The following TTC28 variants were observed in gnomAD, a reference collection of about 807,000 sequenced individuals.
The protein encoded by TTC28 is tetratricopeptide repeat protein 28.
In TTC28, 61 loss-of-function variants were observed where a neutral mutation model predicts 198.0. The ratio of observed to expected loss-of-function variants is 0.31; its 90% CI spans 0.25 to 0.38. The LOEUF (loss-of-function observed/expected upper bound fraction) is 0.38. TTC28 is among the 10% of genes least tolerant of loss of function. The probability of loss-of-function intolerance (pLI) is 1.00; values close to 1 mark genes in which losing one functional copy is unlikely to be tolerated. For missense variants in TTC28, 2,678 were observed against 3,164.0 expected (o/e 0.85, Z 3.69); for synonymous variants, 1,171 against 1,297.8 (o/e 0.90, Z 2.10).
intron 2 of TTC28, among the ~76,000 whole-genome samples, chr22:28,536,198 C>CAAAAAAAAAAAAAAA (rs59506221): frequency 1.6e-5 from 1 of 64,406 alleles, no homozygotes; most frequent in Non-Finnish European, 2.9e-5. Context: ...GACACCGTCT[C>CAAAAAAAAAAAAAAA]AAAAAAAAAA....
At chr22:28,675,775 A>ACACACACAC (rs61156340) in intron 1 of TTC28, among the ~76,000 whole-genome samples, 1 of 149,670 alleles carries the variant, frequency 6.7e-6, no homozygotes, top group Admixed American at 6.7e-5. Context: ...ACACACACAC[A>ACACACACAC]ATGTAAAAAG....
At position 28,466,820 on chromosome 22, in the gene TTC28, T is replaced by TACATACAC. The variant is rs71316840; in HGVS notation, c.382-160178_382-160177insGTGTATGT. 7.4e-3 allele frequency among the ~76,000 whole-genome samples: 1,071 copies of TACATACAC among 143,910 alleles called. 23 individuals carry two copies. The East Asian group carries it at 0.08, about 11-fold the overall frequency. The allele number at this position is 143,910 out of a possible 152,430, so 94.4% of individuals were successfully genotyped here. ...AGTATTCTCACATTATATACATACA[T>TACATACAC]ACACACACACACACACACACACACA... On this transcript the variant is annotated intron_variant, in intron 2 of 22. Transcript: ENST00000397906.
intron 12 of TTC28, among the ~76,000 whole-genome samples, chr22:28,044,684 A>G (rs1020908976): frequency 1.3e-5 from 2 of 152,058 alleles, no homozygotes; most frequent in African/African-American, 2.4e-5. Context: ...ATTCCCACCT[A>G]TGAGTGAGAA....
intron 6 of TTC28, among the ~76,000 whole-genome samples, chr22:28,153,233 T>A (rs1341918834): frequency 3.3e-5 from 5 of 151,828 alleles, no homozygotes; most frequent in Non-Finnish European, 7.4e-5. Context: ...TGCTGCACTG[T>A]AAATAAGAGG....
chr22:28,027,391 G>A (rs1438474536), intron 13 of TTC28, among the ~76,000 whole-genome samples: 2 of 152,244 alleles, frequency 1.3e-5, no homozygotes, highest in Non-Finnish European at 2.9e-5. Flanking sequence ...AGTGATTGCC[G>A]AGACCTCAAA....
chr22:28,119,446 T>C (rs1016142430), intron 6 of TTC28, among the ~76,000 whole-genome samples: 2 of 152,220 alleles, frequency 1.3e-5, no homozygotes, highest in African/African-American at 4.8e-5. Flanking sequence ...CACCAGATCA[T>C]CTCACCTAAG....
chr22:28,489,492 A>T (rs1484930823), intron 2 of TTC28, among the ~76,000 whole-genome samples: 1 of 152,182 alleles, frequency 6.6e-6, no homozygotes, highest in African/African-American at 2.4e-5. Flanking sequence ...AGCCATAAAA[A>T]TTTTTTCAAA....
At chr22:28,385,677 C>A (rs1231538388) in intron 2 of TTC28, among the ~76,000 whole-genome samples, 1 of 152,004 alleles carries the variant, frequency 6.6e-6, no homozygotes, top group Non-Finnish European at 1.5e-5. Context: ...CAGGTTATTT[C>A]ATGCCTCAAA....
chr22:28,530,902 G>A (rs1447553612), intron 2 of TTC28, among the ~76,000 whole-genome samples: 1 of 152,122 alleles, frequency 6.6e-6, no homozygotes, highest in Admixed American at 6.6e-5. Context: ...AAAGCTCCTG[G>A]AGGAAGCACT....
intron 2 of TTC28, among the ~76,000 whole-genome samples, chr22:28,551,428 A>G (rs1474490052): frequency 6.6e-6 from 1 of 152,154 alleles, no homozygotes; most frequent in East Asian, 1.9e-4. Context: ...CACAGCAAAA[A>G]AAAGAAAACT....
intron 6 of TTC28, among the ~76,000 whole-genome samples, chr22:28,157,421 G>C (rs908211061): frequency 6.6e-6 from 1 of 152,120 alleles, no homozygotes; most frequent in Admixed American, 6.5e-5. Flanking sequence ...ACAGAGAAGA[G>C]AATACTTCCA....
At chr22:28,044,456 C>CTAT (rs1939783010) in intron 12 of TTC28, among the ~76,000 whole-genome samples, 1 of 151,670 alleles carries the variant, frequency 6.6e-6, no homozygotes, top group South Asian at 2.1e-4. Flanking sequence ...TCTTTTTTTT[C>CTAT]TATTATTATT....
At position 28,161,804 on chromosome 22, in the gene TTC28, GGGAGGGAA is replaced by G. The variant is rs1452682632; in HGVS notation, c.1441+1280_1441+1287del. Among the ~76,000 whole-genome samples, 27 of 148,286 alleles carry G rather than the reference GGGAGGGAA, an allele frequency of 1.8e-4. No individual in the cohort carries two copies. The South Asian group carries it at 2.4e-3, about 13-fold the overall frequency. On this transcript the variant is annotated intron_variant, in intron 6 of 22. Coordinates refer to ENST00000397906, the MANE Select transcript of TTC28 (RefSeq NM_001145418.2). Reference sequence around the variant, plus strand: ...AGGAATGGAGGAAGGGAGGAAGGGAGGGAGGGAAGGAGGGAAGGAGGGAGGGAGGGGAA... The same window carrying G: ...AGGAATGGAGGAAGGGAGGAAGGGAGGGAGGGAAGGAGGGAGGGAGGGGAA...
At chr22:28,190,740 T>C (rs1398835257) in intron 5 of TTC28, among the ~76,000 whole-genome samples, 1 of 152,226 alleles carries the variant, frequency 6.6e-6, no homozygotes, top group African/African-American at 2.4e-5. Context: ...TGTATGCATT[T>C]TCAAGTTCCC....
intron 2 of TTC28, among the ~76,000 whole-genome samples, chr22:28,475,480 C>CA (rs2048151709): frequency 6.6e-6 from 1 of 152,142 alleles, no homozygotes; most frequent in Non-Finnish European, 1.5e-5. Context: ...TGGGCCCTGC[C>CA]AGGAATCCAT....
chr22:28,578,335 ATTTTTGATAGGTTTATC>A (rs2050182178), intron 2 of TTC28, among the ~76,000 whole-genome samples: 1 of 152,144 alleles, frequency 6.6e-6, no homozygotes, highest in Non-Finnish European at 1.5e-5. Flanking sequence ...TGTAGCTATT[ATTTTTGATAGGTTTATC>A]TTTTAGTCTT....
At chr22:28,249,854 C>T (rs1930392891) in intron 5 of TTC28, among the ~76,000 whole-genome samples, 1 of 152,164 alleles carries the variant, frequency 6.6e-6, no homozygotes, top group Non-Finnish European at 1.5e-5. Flanking sequence ...GAGACATTAC[C>T]TCAGAGGTCG....
At chr22:28,593,771 A>T (rs377347650) in intron 2 of TTC28, among the ~76,000 whole-genome samples, 1 of 152,326 alleles carries the variant, frequency 6.6e-6, no homozygotes, top group South Asian at 2.1e-4. Flanking sequence ...GAACATATTC[A>T]TATAATTTTT....
In TTC28 at chr22:27,981,373, A is replaced by G. The variant is rs1937016288; in HGVS notation, c.*848T>C. ...TTTTAAAAAACTTTTTGAGCTTTTA[A>G]AAATAATAGCTATAAATGCAAAGTA... On this transcript the variant is annotated 3_prime_UTR_variant, in exon 23 of 23. Coordinates refer to ENST00000397906, the MANE Select transcript of TTC28 (RefSeq NM_001145418.2). The G allele has an allele frequency of 6.6e-6, 1 of 151,036 alleles. No homozygotes were observed. Among genetic ancestry groups the G allele is most frequent in the African/African-American group, 2.4e-5 (1 of 41,220 alleles). The allele number at this position is 151,036 out of a possible 1,614,324, so 9.4% of individuals were successfully genotyped here.
Sources: allele counts gnomAD v4.1 joint callset (sites outside exome capture counted in the v4.1 genomes callset), GRCh38; gene constraint gnomAD v4.1.1; transcripts MANE v1.5; gene names NCBI Gene and HGNC (gene_info 2026-07-23, HGNC 2026-07-21).